The following MAPK10 variants were observed in gnomAD, a reference collection of about 807,000 sequenced individuals.
MAPK10 encodes JNK3 alpha protein kinase.
MAPK10 carries 25 observed loss-of-function variants against 59.3 expected under a neutral mutation model. The observed-to-expected ratio is 0.42, with a 90% CI of 0.31 to 0.59. MAPK10 has a LOEUF of 0.59. MAPK10 is among the 20% of genes least tolerant of loss of function. MAPK10 has a pLI of 0.15. For synonymous variants in MAPK10, 190 were observed against 200.5 expected (o/e 0.95, Z 0.44); for missense variants, 351 against 568.9 (o/e 0.62, Z 3.90).
exon 1 of MAPK10, chr4:86,453,076 G>A (rs1262758699): frequency 1.3e-5 from 2 of 152,248 alleles, no homozygotes; most frequent in Non-Finnish European, 1.5e-5. Context: ...CAGGGGTAGA[G>A]GAAGCAGCGG....
chr4:86,153,876 G>A (rs1227422841), intron 4 of MAPK10, among the ~76,000 whole-genome samples: 2 of 152,088 alleles, frequency 1.3e-5, no homozygotes, highest in Non-Finnish European at 2.9e-5. Flanking sequence ...GAAGCTCAGT[G>A]TTCCTTATTT....
intron 1 of MAPK10, among the ~76,000 whole-genome samples, chr4:86,374,716 C>T (rs1265604266): frequency 2.0e-5 from 3 of 152,182 alleles, no homozygotes; most frequent in Non-Finnish European, 4.4e-5. Context: ...CCTTTTTGAG[C>T]ACAGGCTCTT....
At chr4:86,566,748 T>C (rs1761088466) in intron 1 of MAPK10, among the ~76,000 whole-genome samples, 1 of 151,556 alleles carries the variant, frequency 6.6e-6, no homozygotes, top group Admixed American at 6.6e-5. Flanking sequence ...TAACTAATCA[T>C]CACCAATGTC....
chr4:86,343,709 A>G (rs1196645907), intron 2 of MAPK10, among the ~76,000 whole-genome samples: 1 of 151,892 alleles, frequency 6.6e-6, no homozygotes, highest in Non-Finnish European at 1.5e-5. Flanking sequence ...TCTCACAGGT[A>G]TATGGCAGTC....
chr4:86,498,409 C>A (rs1755054258), intron 1 of MAPK10, among the ~76,000 whole-genome samples: 1 of 152,086 alleles, frequency 6.6e-6, no homozygotes, highest in African/African-American at 2.4e-5. Context: ...TAGTTATATG[C>A]CAAACACAAG....
At chr4:86,125,512 A>G (rs2059933210) in intron 4 of MAPK10, 1 of 152,034 alleles carries the variant, frequency 6.6e-6, no homozygotes, top group Non-Finnish European at 1.5e-5. Flanking sequence ...GATATAAGTG[A>G]TATGCTCCCC....
intron 1 of MAPK10, among the ~76,000 whole-genome samples, chr4:86,467,104 G>A (rs1371207809): frequency 2.0e-5 from 3 of 152,160 alleles, no homozygotes; most frequent in East Asian, 1.9e-4. Flanking sequence ...TGACCCTGGC[G>A]TGATTCAGCT....
chr4:86,075,716 G>C (rs1230902750), intron 9 of MAPK10, among the ~76,000 whole-genome samples: 2 of 152,050 alleles, frequency 1.3e-5, no homozygotes, highest in Non-Finnish European at 2.9e-5. Context: ...GGGGGTCAGG[G>C]GTCAGGGACC....
intron 1 of MAPK10, among the ~76,000 whole-genome samples, chr4:86,592,609 T>C (rs529616027): frequency 2.0e-5 from 3 of 152,200 alleles, no homozygotes; most frequent in Non-Finnish European, 2.9e-5. Flanking sequence ...CCTACCTCCC[T>C]GATAGATGAT....
At chr4:86,274,563 G>T (rs887081216) in intron 2 of MAPK10, among the ~76,000 whole-genome samples, 3 of 151,548 alleles carry the variant, frequency 2.0e-5, no homozygotes, top group African/African-American at 7.3e-5. Flanking sequence ...CTCTTGACGG[G>T]ACTTTACTTT....
chr4:86,072,134 C>T (rs59102300), intron 9 of MAPK10, among the ~76,000 whole-genome samples: 1 of 148,052 alleles, frequency 6.8e-6, no homozygotes, highest in Non-Finnish European at 1.5e-5. Flanking sequence ...ATTCCTAGGT[C>T]TTTTATTCTC....
chr4:86,435,446 G>C (rs889462515), intron 1 of MAPK10, among the ~76,000 whole-genome samples: 1 of 151,034 alleles, frequency 6.6e-6, no homozygotes, highest in African/African-American at 2.4e-5. Context: ...GCAGTGAGCC[G>C]AGATCACACC....
rs1273977588 is a variant in MAPK10, at chr4:86,098,699, T to TA, written c.731-105dup. ...GGAAAAAGAACAGTTTGATTAAAAG[T>TA]ACAATTTTCACCTCCCACCAAAAGT... On this transcript the variant is annotated intron_variant, in intron 8 of 13. Coordinates refer to ENST00000641462, the MANE Select transcript of MAPK10 (RefSeq NM_138982.4). The TA allele has an allele frequency of 4.0e-6, 4 of 999,184 alleles. No homozygotes were observed. The East Asian group carries it at 9.7e-5, about 24-fold the overall frequency. The allele number at this position is 999,184 out of a possible 1,614,324, so 61.9% of individuals were successfully genotyped here.
intron 3 of MAPK10, among the ~76,000 whole-genome samples, chr4:86,190,135 T>C (rs1049206161): frequency 1.3e-5 from 2 of 152,176 alleles, no homozygotes; most frequent in Non-Finnish European, 2.9e-5. Context: ...GATGTGCTGC[T>C]GGATTTGGTT....
intron 1 of MAPK10, among the ~76,000 whole-genome samples, chr4:86,550,408 A>AAAAAAAAAAAAG (rs1759684200): frequency 7.7e-6 from 1 of 129,732 alleles, no homozygotes; most frequent in Non-Finnish European, 1.7e-5. Flanking sequence ...AAAAAAAAAA[A>AAAAAAAAAAAAG]AAACTCCAGG....
intron 3 of MAPK10, among the ~76,000 whole-genome samples, chr4:86,165,942 A>T (rs2149245604): frequency 6.6e-6 from 1 of 152,318 alleles, no homozygotes; most frequent in East Asian, 1.9e-4. Context: ...GACCTAAATT[A>T]TGTTTGATAA....
In MAPK10 at chr4:86,406,150, AG is replaced by A. The variant is rs201090549; in HGVS notation, c.-122+46879del. Among the ~76,000 whole-genome samples the A allele has an allele frequency of 2.1e-3, 315 of 152,314 alleles. 1 individual carries two copies. The highest frequency in any genetic ancestry group is 7.1e-3 in the African/African-American group (295 of 41,570). On this transcript the variant is annotated intron_variant, in intron 1 of 13. Coordinates refer to the MAPK10 transcript ENST00000361569. ...TAATTTTGCTGGCAACAAAAAGCAG[AG>A]TCCCTCGGCTTTCACTATGGCAAGT...
chr4:86,109,214 T>A (rs1042900748), intron 4 of MAPK10, among the ~76,000 whole-genome samples: 1 of 152,224 alleles, frequency 6.6e-6, no homozygotes, highest in African/African-American at 2.4e-5. Context: ...CTATTCTTTT[T>A]CACTTTTTAA....
At chr4:86,064,505 A>C (rs2046345434) in intron 10 of MAPK10, 115 bp from the exon 11 acceptor site, 1 of 959,634 alleles carries the variant, frequency 1.0e-6, no homozygotes, top group South Asian at 1.6e-5. Flanking sequence ...TCCAAACATC[A>C]GGTAAATCCC....
Sources: allele counts gnomAD v4.1 joint callset (sites outside exome capture counted in the v4.1 genomes callset), GRCh38; gene constraint gnomAD v4.1.1; transcripts MANE v1.5; gene names NCBI Gene and HGNC (gene_info 2026-07-23, HGNC 2026-07-21).